B4GALNT2: variants seen among roughly 807,000 people sequenced by gnomAD.
B4GALNT2 encodes the protein N-acetylneuraminylgalactosylglucosyl-glucoside beta-1,4-N- acetylgalactosaminyltransferase 2.
A neutral mutation model predicts 51.1 loss-of-function variants in B4GALNT2; 42 were observed. The ratio of observed to expected loss-of-function variants is 0.82; its 90% CI spans 0.64 to 1.06. The LOEUF is 1.06. Among genes scored for constraint, B4GALNT2 ranks in the 50% least tolerant of loss-of-function variants. The pLI is 0.00. For synonymous variants in B4GALNT2, 253 were observed against 251.7 expected (o/e 1.01, Z -0.05); for missense variants, 602 against 633.6 (o/e 0.95, Z 0.54).
chr17:49,142,725 CA>C (rs753903627), intron 3 of B4GALNT2, among the ~76,000 whole-genome samples: 1 of 138,804 alleles, frequency 7.2e-6, no homozygotes, highest in African/African-American at 2.7e-5. Flanking sequence ...AAAACAAAAA[CA>C]AAAAAAACAA....
intron 4 of B4GALNT2, among the ~76,000 whole-genome samples, chr17:49,155,585 G>A (rs1270048415): frequency 1.3e-5 from 2 of 149,198 alleles, no homozygotes; most frequent in African/African-American, 2.5e-5. Context: ...CTGAGCGACA[G>A]AGTGAGACCC....
chr17:49,145,677 T>G (rs1460330968), intron 3 of B4GALNT2, among the ~76,000 whole-genome samples: 1 of 152,190 alleles, frequency 6.6e-6, no homozygotes, highest in Admixed American at 6.5e-5. Flanking sequence ...GATTGGGCTA[T>G]TGTAGTTTCC....
intron 3 of B4GALNT2, among the ~76,000 whole-genome samples, chr17:49,150,579 G>C (rs1373826639): frequency 3.3e-5 from 5 of 151,786 alleles, no homozygotes; most frequent in Non-Finnish European, 7.4e-5. Context: ...TCTGTACTAA[G>C]AAAAATTCTT....
chr17:49,125,799 G>C, the B4GALNT2 span, among the ~76,000 whole-genome samples: 62 of 110,072 alleles, frequency 5.6e-4, 10 homozygotes, highest in African/African-American at 1.9e-3. Flanking sequence ...GAGGTGAGGG[G>C]CACCTCTGCC....
the B4GALNT2 span, among the ~76,000 whole-genome samples, chr17:49,121,627 A>G: frequency 6.6e-6 from 1 of 152,190 alleles, no homozygotes; most frequent in African/African-American, 2.4e-5. Context: ...CAGGTTACTT[A>G]AGAATTTGCC....
In B4GALNT2 at chr17:49,171,581, T is replaced by G. The variant is rs1468737743; in HGVS notation, c.*1853T>G. ...TGGACCATATCATTTGAGGTTGAGG[T>G]GCCACTATACCGCCACGTTTCCAGA... On this transcript the variant is annotated 3_prime_UTR_variant, in exon 11 of 11. Coordinates refer to ENST00000393354, the MANE Select transcript of B4GALNT2 (RefSeq NM_001159387.2). The G allele has an allele frequency of 2.4e-6, 1 of 419,882 alleles. No individual in the cohort carries two copies. The highest frequency in any genetic ancestry group is 2.1e-5 in the African/African-American group (1 of 47,892). 26.0% of individuals were successfully genotyped at this position (419,882 alleles called of 1,614,324 possible). A position where few individuals can be genotyped will look rare whatever the true frequency, so the allele number is the denominator to read the frequency against.
chr17:49,145,288 T>C (rs2042683752), intron 3 of B4GALNT2, among the ~76,000 whole-genome samples: 1 of 152,224 alleles, frequency 6.6e-6, no homozygotes, highest in Non-Finnish European at 1.5e-5. Flanking sequence ...CTATCTTTTG[T>C]ACGACCAGAA....
At chr17:49,157,322 G>T (rs2042820033) in intron 5 of B4GALNT2, among the ~76,000 whole-genome samples, 1 of 146,318 alleles carries the variant, frequency 6.8e-6, no homozygotes, top group African/African-American at 2.5e-5. Flanking sequence ...AACAAACCTG[G>T]TTAATTTTTT....
At chr17:49,147,889 A>G (rs1246465428) in intron 3 of B4GALNT2, among the ~76,000 whole-genome samples, 3 of 151,802 alleles carry the variant, frequency 2.0e-5, no homozygotes, top group African/African-American at 7.3e-5. Context: ...ATAAACATAT[A>G]CTGTTGGTTT....
rs558180961 is a variant in B4GALNT2 at position 49,164,120 on chromosome 17, A to G, written c.799A>G (p.Thr267Ala). ...GCTCAGAAACCTGGTTACCATTGCT[A>G]CCAAGACTTTCCTCCGCCCCCACAA... ...RKLRNLVTIA[T>A]KTFLRPHKLM... Residue 267 changes from threonine to alanine, a missense_variant, in exon 8 of 11, where the codon ACC becomes GCC. By Grantham distance (58) the Thr-to-Ala change is moderately conservative (BLOSUM62 0). Transcript: ENST00000393354. The G allele has an allele frequency of 6.2e-7, 1 of 1,614,154 alleles. No homozygotes were observed. The highest frequency in any genetic ancestry group is 8.5e-7 in the Non-Finnish European group (1 of 1,179,998).
At chr17:49,137,045 G>A (rs748259701) in intron 1 of B4GALNT2, among the ~76,000 whole-genome samples, 14 of 151,404 alleles carry the variant, frequency 9.2e-5, no homozygotes, top group Non-Finnish European at 1.0e-4. Flanking sequence ...TGTCTGCTCA[G>A]TTCATTACCA....
the B4GALNT2 span, among the ~76,000 whole-genome samples, chr17:49,125,357 A>G: frequency 6.6e-6 from 1 of 151,904 alleles, no homozygotes; most frequent in Non-Finnish European, 1.5e-5. Flanking sequence ...ACGGGGTTTC[A>G]CCATGTTGGC....
rs140280086 is a variant in B4GALNT2, at chr17:49,156,592, C to G, written c.487C>G (p.Pro163Ala). Reference sequence around the variant, plus strand: ...CCTCCAGTTTGAAGGACCCGATGCCCCCGTCTATGAGGTGAGTCCTTCTCC... The same window carrying G: ...CCTCCAGTTTGAAGGACCCGATGCCGCCGTCTATGAGGTGAGTCCTTCTCC... ...PGLQFEGPDA[P>A]VYEVTLTASL... Residue 163 changes from proline (P) to alanine (A), a missense_variant, in exon 5 of 11, where the codon CCC becomes GCC. Transcript: ENST00000393354. 604 of 1,613,618 alleles carry G rather than the reference C, an allele frequency of 3.7e-4. No individual in the cohort carries two copies. The highest frequency in any genetic ancestry group is 5.0e-4 in the Non-Finnish European group (595 of 1,179,916).
At chr17:49,124,574 C>T in the B4GALNT2 span, among the ~76,000 whole-genome samples, 1 of 152,082 alleles carries the variant, frequency 6.6e-6, no homozygotes, top group Non-Finnish European at 1.5e-5. Flanking sequence ...GAACACATAC[C>T]AATAACATAT....
chr17:49,131,440 A>G (rs2042537422), upstream of B4GALNT2, among the ~76,000 whole-genome samples: 1 of 143,640 alleles, frequency 7.0e-6, no homozygotes, highest in Non-Finnish European at 1.5e-5. Flanking sequence ...ACTCTTTTCC[A>G]AGACTCACTT....
intron 1 of B4GALNT2, among the ~76,000 whole-genome samples, chr17:49,134,071 C>A (rs1462657433): frequency 6.6e-6 from 1 of 152,194 alleles, no homozygotes; most frequent in Non-Finnish European, 1.5e-5. Context: ...CCCAACTTCC[C>A]CCACTCCACA....
In B4GALNT2 at chr17:49,133,248, C is replaced by A. The variant is rs1026914626; in HGVS notation, c.14+442C>A. 4.1e-6 allele frequency: 6 copies of A among 1,463,466 alleles called. No homozygotes were observed. In the Admixed American group the frequency reaches 1.2e-4, roughly 30 times the overall value. 90.7% of individuals were successfully genotyped at this position (1,463,466 alleles called of 1,614,324 possible). On this transcript the variant is annotated intron_variant, in intron 1 of 10. Coordinates refer to ENST00000393354, the MANE Select transcript of B4GALNT2 (RefSeq NM_001159387.2). ...TGTGAGTGCCCGGGCGCGGGGACTG[C>A]GGGCTGTGGACAGTCGGGGAGCCCG...
intron 3 of B4GALNT2, among the ~76,000 whole-genome samples, chr17:49,150,978 A>C (rs1321472243): frequency 2.0e-5 from 3 of 152,128 alleles, no homozygotes; most frequent in African/African-American, 7.3e-5. Context: ...GTAAGTATTC[A>C]CTATGATGAT....
upstream of B4GALNT2, among the ~76,000 whole-genome samples, chr17:49,132,189 G>A (rs190770001): frequency 6.6e-6 from 1 of 152,256 alleles, no homozygotes; most frequent in East Asian, 1.9e-4. Context: ...TCATGCGTGA[G>A]AGGAGCCATG....
Sources: gnomAD v4.1 joint callset for allele counts (sites outside exome capture counted in the v4.1 genomes callset) on GRCh38, gnomAD v4.1.1 for gene constraint, MANE v1.5 for transcripts, NCBI Gene and HGNC (gene_info 2026-07-23, HGNC 2026-07-21) for gene names.